GPR158: variants seen among roughly 807,000 people sequenced by gnomAD.
The protein encoded by GPR158 is G protein-coupled receptor 158, also known as metabotropic glycine receptor.
GPR158 carries 30 observed loss-of-function variants against 78.2 expected under a neutral mutation model. The observed-to-expected ratio is 0.38, with a 90% confidence interval of 0.29 to 0.52. The LOEUF is 0.52. Ranked by LOEUF, GPR158 falls within the 20% of genes least tolerant of loss-of-function variation. GPR158 has a pLI of 0.83. For synonymous variants in GPR158, 581 were observed against 591.1 expected (o/e 0.98, Z 0.25); for missense variants, 1,463 against 1,523.5 (o/e 0.96, Z 0.66).
chr10:25,510,477 A>T (rs995899698), intron 5 of GPR158, among the ~76,000 whole-genome samples: 8 of 152,202 alleles, frequency 5.3e-5, no homozygotes, highest in Admixed American at 4.6e-4. Context: ...TTGGCAGCTT[A>T]GCCCAGTACA....
At chr10:25,293,420 C>T (rs1374428972) in intron 2 of GPR158, among the ~76,000 whole-genome samples, 1 of 152,086 alleles carries the variant, frequency 6.6e-6, no homozygotes, top group Non-Finnish European at 1.5e-5. Context: ...AAGGTGAATC[C>T]TTGTTTAGAA....
At chr10:25,559,916 G>A (rs1564489806) in intron 6 of GPR158, among the ~76,000 whole-genome samples, 1 of 152,200 alleles carries the variant, frequency 6.6e-6, no homozygotes. Flanking sequence ...TGGTGTGGAA[G>A]ACACTTTGGG....
intron 2 of GPR158, among the ~76,000 whole-genome samples, chr10:25,346,391 G>A (rs1003298363): frequency 9.2e-5 from 14 of 151,878 alleles, no homozygotes; most frequent in African/African-American, 3.4e-4. Flanking sequence ...TATTCCTAGT[G>A]CCTCAAAAGT....
At chr10:25,351,721 T>C (rs1042602602) in intron 2 of GPR158, among the ~76,000 whole-genome samples, 38 of 151,754 alleles carry the variant, frequency 2.5e-4, no homozygotes, top group African/African-American at 9.2e-4. Context: ...TTTTTTTTTT[T>C]TTTTAATGTT....
At chr10:25,258,804 C>T (rs1007691773) in intron 2 of GPR158, among the ~76,000 whole-genome samples, 1 of 152,104 alleles carries the variant, frequency 6.6e-6, no homozygotes, top group African/African-American at 2.4e-5. Context: ...TTACATGTAA[C>T]TTTCGATTCC....
At chr10:25,445,754 G>C (rs1835132012) in intron 4 of GPR158, among the ~76,000 whole-genome samples, 1 of 151,406 alleles carries the variant, frequency 6.6e-6, no homozygotes, top group East Asian at 1.9e-4. Context: ...GGAGAGAGGG[G>C]GAGAGAGAGA....
intron 4 of GPR158, among the ~76,000 whole-genome samples, chr10:25,448,571 A>G (rs1049035599): frequency 7.2e-5 from 11 of 152,228 alleles, no homozygotes; most frequent in Non-Finnish European, 1.5e-4. Context: ...TAAAGTTGCT[A>G]TAAACAGTCT....
intron 2 of GPR158, among the ~76,000 whole-genome samples, chr10:25,374,733 T>C (rs183091168): frequency 1.7e-4 from 26 of 151,866 alleles, no homozygotes; most frequent in African/African-American, 6.3e-4. Context: ...CAATCGTGTG[T>C]TCCTTTTTTA....
intron 5 of GPR158, among the ~76,000 whole-genome samples, chr10:25,494,066 C>G (rs184348612): frequency 1.7e-4 from 26 of 152,148 alleles, no homozygotes; most frequent in African/African-American, 6.3e-4. Flanking sequence ...AATAAAGTCA[C>G]AAAAGTGTTG....
rs752788295 is a variant in GPR158 at position 25,572,737 on chromosome 10, T to A, written c.1603T>A (p.Leu535Met). ...CATGAGGATGCTGGCAGTAATACTCTTGGTAGTGTTTTGGTTTCTCATTGG... is the reference window on the plus strand; with the variant it reads ...CATGAGGATGCTGGCAGTAATACTCATGGTAGTGTTTTGGTTTCTCATTGG... ...RVMRMLAVIL[L>M]VVFWFLIGWT... The change falls in exon 7 of 11, where the codon TTG becomes ATG. Residue 535 changes from leucine (L) to methionine (M), a missense_variant. Physicochemically the swap from Leu to Met is conservative, Grantham distance 15 (BLOSUM62 2). Coordinates refer to ENST00000376351, the MANE Select transcript of GPR158 (RefSeq NM_020752.3). 2.6e-5 allele frequency: 42 copies of A among 1,613,722 alleles called. No homozygotes were observed. The highest frequency in any genetic ancestry group is 1.6e-4 in the Middle Eastern group (1 of 6,084).
chr10:25,492,889 AATATTAAT>A (rs1306592144), intron 5 of GPR158, among the ~76,000 whole-genome samples: 1 of 148,352 alleles, frequency 6.7e-6, no homozygotes, highest in African/African-American at 2.4e-5. Context: ...TATATAAACA[AATATTAAT>A]ATATTAATAT....
intron 5 of GPR158, among the ~76,000 whole-genome samples, chr10:25,522,285 C>T (rs1836287763): frequency 6.6e-6 from 1 of 152,202 alleles, no homozygotes; most frequent in South Asian, 2.1e-4. Flanking sequence ...CTGTTAACCC[C>T]GTTACCCTCC....
chr10:25,393,181 T>C (rs1457826897), intron 2 of GPR158, among the ~76,000 whole-genome samples: 1 of 152,200 alleles, frequency 6.6e-6, no homozygotes, highest in Non-Finnish European at 1.5e-5. Context: ...AGAGTTAGTT[T>C]ATAGCAGAGA....
chr10:25,310,346 T>C (rs1854745926), intron 2 of GPR158, among the ~76,000 whole-genome samples: 1 of 152,172 alleles, frequency 6.6e-6, no homozygotes, highest in Admixed American at 6.5e-5. Context: ...CCTCCAAGTT[T>C]GTTCTTTTTC....
chr10:25,331,864 T>C (rs986495847), intron 2 of GPR158, among the ~76,000 whole-genome samples: 13 of 152,158 alleles, frequency 8.5e-5, no homozygotes, highest in Admixed American at 7.2e-4. Flanking sequence ...ACAATGGCAG[T>C]GTAGATAAAG....
intron 1 of GPR158, among the ~76,000 whole-genome samples, chr10:25,201,065 C>T (rs1564389699): frequency 1.3e-5 from 2 of 151,890 alleles, no homozygotes; most frequent in Non-Finnish European, 2.9e-5. Context: ...TTTGATAGAA[C>T]TAGCACTGAA....
At chr10:25,481,096 G>A (rs72786268) in intron 5 of GPR158, among the ~76,000 whole-genome samples, 1 of 152,090 alleles carries the variant, frequency 6.6e-6, no homozygotes, top group African/African-American at 2.4e-5. Context: ...AGGTTCATGA[G>A]TGATTAGGGG....
rs912645233 is a variant in GPR158, at chr10:25,406,478, T to A, written c.1112-5772T>A. Among the ~76,000 whole-genome samples, 4 of 152,130 alleles carry A rather than the reference T, an allele frequency of 2.6e-5. No individual in the cohort carries two copies. The East Asian group carries it at 7.7e-4, about 29-fold the overall frequency. On this transcript the variant is annotated intron_variant, in intron 3 of 10. Coordinates refer to ENST00000376351, the MANE Select transcript of GPR158 (RefSeq NM_020752.3). ...TCTACCTTTGGTCAACCTGAAATAG[T>A]TGAAAGGATCAGATTTCAGTTTAAA...
At chr10:25,266,758 G>T (rs1854050005) in intron 2 of GPR158, among the ~76,000 whole-genome samples, 1 of 152,022 alleles carries the variant, frequency 6.6e-6, no homozygotes, top group African/African-American at 2.4e-5. Context: ...TCTATAAAAT[G>T]CTGTGAGCAG....
Sources: gnomAD v4.1 joint callset for allele counts (sites outside exome capture counted in the v4.1 genomes callset) on GRCh38, gnomAD v4.1.1 for gene constraint, MANE v1.5 for transcripts, NCBI Gene and HGNC (gene_info 2026-07-23, HGNC 2026-07-21) for gene names.